The following RYR2 variants were observed in gnomAD, a reference collection of about 807,000 sequenced individuals.
RYR2 encodes cardiac muscle ryanodine receptor-calcium release channel.
A neutral mutation model predicts 601.1 loss-of-function variants in RYR2; 227 were observed. The observed-to-expected ratio is 0.38, with a 90% confidence interval of 0.34 to 0.42. RYR2 has a LOEUF of 0.42. Among genes scored for constraint, RYR2 ranks in the 10% least tolerant of loss-of-function variants. RYR2 has a pLI of 1.00. For missense variants in RYR2, 4,646 were observed against 6,156.5 expected (o/e 0.75, Z 8.21); for synonymous variants, 2,223 against 2,175.1 (o/e 1.02, Z -0.61).
At chr1:237,134,010 G>C (rs2490376) in intron 1 of RYR2, among the ~76,000 whole-genome samples, 1 of 150,064 alleles carries the variant, frequency 6.7e-6, no homozygotes, top group East Asian at 2.0e-4. Flanking sequence ...CCACGTTTCC[G>C]TTGGTGGTTA....
In RYR2 at chr1:237,594,900, T is replaced by TGTTTG. The variant is rs1417001764; in HGVS notation, c.4437-598_4437-597insGTTTG. Among the ~76,000 whole-genome samples, 24 of 23,370 alleles carry TGTTTG rather than the reference T, an allele frequency of 1.0e-3. 1 individual carries two copies. Among genetic ancestry groups the TGTTTG allele is most frequent in the Middle Eastern group, 0.02 (1 of 50 alleles). The allele number at this position is 23,370 out of a possible 152,430, so 15.3% of individuals were successfully genotyped here. A position where few individuals can be genotyped will look rare whatever the true frequency, so the allele number is the denominator to read the frequency against. On this transcript the variant is annotated intron_variant, in intron 33 of 104. Transcript: ENST00000366574. ...AATATCACTGGGTTTTTTTTTTTTTTTTTTTTTTTTTTTTTTTTTTTTTTT... is the reference window on the plus strand; with the variant it reads ...AATATCACTGGGTTTTTTTTTTTTTTGTTTGTTTTTTTTTTTTTTTTTTTTTTTTT...
chr1:237,334,448 TATA>T lies in RYR2; in HGVS notation c.273+3467_273+3469del, dbSNP rs148771069. Among the ~76,000 whole-genome samples, 391 of 149,854 alleles carry T rather than the reference TATA, an allele frequency of 2.6e-3. 3 individuals are homozygous for T. Among genetic ancestry groups the T allele is most frequent in the African/African-American group, 7.5e-3 (310 of 41,190 alleles). ...AATGTCTGTTTAATTAAAATATATA[TATA>T]TATATATATGTTAAAAGAGAGACCT... On this transcript the variant is annotated intron_variant, in intron 3 of 104. Transcript: ENST00000366574.
chr1:237,446,391 A>G (rs534788390), intron 14 of RYR2, among the ~76,000 whole-genome samples: 14 of 152,014 alleles, frequency 9.2e-5, no homozygotes, highest in African/African-American at 3.4e-4. Context: ...TTTGTGTTTA[A>G]TCCTATTATT....
At chr1:237,758,476 CTATGTGCGTA>C (rs1693140141) in intron 82 of RYR2, among the ~76,000 whole-genome samples, 1 of 152,078 alleles carries the variant, frequency 6.6e-6, no homozygotes, top group African/African-American at 2.4e-5. Context: ...GGTTTTGTGT[CTATGTGCGTA>C]TATATGTGTG....
intron 25 of RYR2, among the ~76,000 whole-genome samples, chr1:237,530,917 A>G (rs1668079399): frequency 6.6e-6 from 1 of 151,984 alleles, no homozygotes; most frequent in African/African-American, 2.4e-5. Context: ...CTCAAAAAAA[A>G]AAAAATTCAG....
At chr1:237,638,287 T>C (rs950762252) in intron 44 of RYR2, 70 bp from the exon 45 acceptor site, 116 of 1,595,988 alleles carry the variant, frequency 7.3e-5, no homozygotes, top group Non-Finnish European at 9.5e-5. Flanking sequence ...TGTCATTTAT[T>C]GTATCCAATG....
intron 21 of RYR2, among the ~76,000 whole-genome samples, chr1:237,502,283 T>C (rs576424490): frequency 1.3e-5 from 2 of 152,332 alleles, no homozygotes; most frequent in Non-Finnish European, 2.9e-5. Flanking sequence ...CAGATTAAAA[T>C]AGTTTTGCTT....
Position 237,684,176 on chromosome 1 carries a change from T to C in RYR2, c.9018-3279T>C, listed in dbSNP as rs562361687. Among the ~76,000 whole-genome samples, 159 of 152,044 alleles carry C rather than the reference T, an allele frequency of 1.0e-3. 2 individuals carry two copies. Among genetic ancestry groups the C allele is most frequent in the African/African-American group, 3.6e-3 (151 of 41,486 alleles). ...GTCTTGAACTCCTGACCTCAGGTGA[T>C]CCGCCCACTTCTGCCTCCCAAAGTG... On this transcript the variant is annotated intron_variant, in intron 62 of 104. Transcript: ENST00000366574.
chr1:237,237,926 C>CCTTTCCCCTTT (rs1191661597), intron 1 of RYR2, among the ~76,000 whole-genome samples: 6 of 56,410 alleles, frequency 1.1e-4, no homozygotes, highest in East Asian at 1.2e-3. Context: ...TTTTCCCTTT[C>CCTTTCCCCTTT]CCTTTCCCCT....
rs144969605 is a variant in RYR2, at chr1:237,400,569, C to A, written c.773+12386C>A. On this transcript the variant is annotated intron_variant, in intron 10 of 104. Transcript: ENST00000366574. ...CCAAGAATGATTAGGGCTTGATTTC[C>A]TCACTATCCTGATGGGAGGGAGACT... Among the ~76,000 whole-genome samples, 160 of 152,182 alleles carry A rather than the reference C, an allele frequency of 1.1e-3. 1 individual carries two copies. The East Asian group carries it at 0.028, about 27-fold the overall frequency.
At chr1:237,466,179 T>G (rs1310953283) in intron 16 of RYR2, among the ~76,000 whole-genome samples, 1 of 152,164 alleles carries the variant, frequency 6.6e-6, no homozygotes, top group Non-Finnish European at 1.5e-5. Flanking sequence ...TATAATTCCT[T>G]TTTTGAGATA....
intron 17 of RYR2, among the ~76,000 whole-genome samples, chr1:237,484,210 T>C (rs567511700): frequency 6.6e-6 from 1 of 152,294 alleles, no homozygotes; most frequent in African/African-American, 2.4e-5. Flanking sequence ...GAAGAGAGAC[T>C]TTCCTTCTCC....
At chr1:237,375,490 T>A (rs1339444646) in intron 7 of RYR2, among the ~76,000 whole-genome samples, 1 of 152,188 alleles carries the variant, frequency 6.6e-6, no homozygotes, top group African/African-American at 2.4e-5. Context: ...CAACTTTTAT[T>A]AAGTTGTTCC....
intron 29 of RYR2, among the ~76,000 whole-genome samples, chr1:237,585,746 T>C (rs1674454926): frequency 6.6e-6 from 1 of 152,250 alleles, no homozygotes; most frequent in African/African-American, 2.4e-5. Flanking sequence ...TGCTAGTTTC[T>C]ACCTGTGGAG....
intron 79 of RYR2, among the ~76,000 whole-genome samples, chr1:237,739,854 A>G (rs924693309): frequency 1.1e-4 from 16 of 152,230 alleles, no homozygotes; most frequent in African/African-American, 3.9e-4. Flanking sequence ...TTCAGCAGAT[A>G]CTGGCAAGCT....
intron 2 of RYR2, among the ~76,000 whole-genome samples, chr1:237,320,951 A>G (rs1695568049): frequency 7.7e-6 from 1 of 130,694 alleles, no homozygotes; most frequent in Admixed American, 8.7e-5. Flanking sequence ...GAGCAGGCTC[A>G]CTGTCACATT....
chr1:237,271,667 A>G (rs1689696536), intron 2 of RYR2, among the ~76,000 whole-genome samples: 1 of 152,192 alleles, frequency 6.6e-6, no homozygotes, highest in Admixed American at 6.5e-5. Context: ...AAGAGGGTAA[A>G]ACTCACAGCC....
At chr1:237,072,914 C>G (rs1388229101) in intron 1 of RYR2, among the ~76,000 whole-genome samples, 1 of 146,428 alleles carries the variant, frequency 6.8e-6, no homozygotes, top group Admixed American at 7.0e-5. Flanking sequence ...TGCCACTACA[C>G]TCCAGCACGG....
At chr1:237,674,923 C>T (rs779279607) in intron 60 of RYR2, 77 bp downstream of exon 60, 3 of 755,784 alleles carry the variant, frequency 4.0e-6, no homozygotes, top group Admixed American at 2.4e-5. Context: ...TATAGAACAA[C>T]ACAGGCTGCT....
Sources: gnomAD v4.1 joint callset for allele counts (sites outside exome capture counted in the v4.1 genomes callset) on GRCh38, gnomAD v4.1.1 for gene constraint, MANE v1.5 for transcripts, NCBI Gene and HGNC (gene_info 2026-07-23, HGNC 2026-07-21) for gene names.